The following DPPA2 variants were observed in gnomAD, a reference collection of about 807,000 sequenced individuals.
The protein encoded by DPPA2 is developmental pluripotency associated 2.
Under a neutral mutation model 36.2 loss-of-function variants are expected in DPPA2, and 26 were observed. The ratio of observed to expected loss-of-function variants is 0.72; its 90% CI spans 0.53 to 1.00. DPPA2 has a LOEUF of 1.00. Among genes scored for constraint, DPPA2 ranks in the 50% least tolerant of loss-of-function variants. The pLI is 0.00. For synonymous variants in DPPA2, 113 were observed against 123.2 expected (o/e 0.92, Z 0.55); for missense variants, 361 against 365.1 (o/e 0.99, Z 0.09).
intron 6 of DPPA2, 63 bp from the exon 7 acceptor site, chr3:109,304,733 G>T: frequency 6.7e-7 from 1 of 1,485,990 alleles, no homozygotes; most frequent in Non-Finnish European, 9.0e-7. Flanking sequence ...CAACCTCTCA[G>T]CAAGTCACTC....
intron 8 of DPPA2, among the ~76,000 whole-genome samples, chr3:109,299,204 CAAA>C (rs35767226): frequency 4.1e-4 from 54 of 131,234 alleles, no homozygotes; most frequent in East Asian, 1.7e-3. Flanking sequence ...CTAAACATAC[CAAA>C]AAAAAAAAAA....
chr3:109,308,216 C>G lies in DPPA2; in HGVS notation c.474G>C (p.Arg158Ser). The part of the protein sequence containing the change: ...RKRKAVTKRA[R>S]LQRSYEMNER... Reference sequence around the variant, plus strand: ...CATTCATCTCATAACTTCTCTGAAGCCTTGCTCTCTTGGTCACTGCCTTGC... The same window carrying G: ...CATTCATCTCATAACTTCTCTGAAGGCTTGCTCTCTTGGTCACTGCCTTGC... Residue 158 changes from arginine to serine, a missense_variant, in exon 6 of 9, where the codon AGG becomes AGC. Transcript: ENST00000478945. 6.2e-7 allele frequency: 1 copy of G among 1,614,238 alleles called. No individual in the cohort carries two copies. The highest frequency in any genetic ancestry group is 8.5e-7 in the Non-Finnish European group (1 of 1,180,046).
At chr3:109,312,757 G>T in intron 2 of DPPA2, 65 bp from the exon 3 acceptor site, 1 of 1,575,090 alleles carries the variant, frequency 6.3e-7, no homozygotes. Flanking sequence ...TTGCTTTCAA[G>T]GCAAAAGTCA....
At chr3:109,308,360 T>G (rs757493094) in intron 5 of DPPA2, 67 bp from the exon 6 acceptor site, 1 of 1,529,946 alleles carries the variant, frequency 6.5e-7, no homozygotes, top group Non-Finnish European at 8.7e-7. Flanking sequence ...TGGGTCAATT[T>G]TATTATTCTT....
At chr3:109,310,162 A>G (rs1576823535) in intron 3 of DPPA2, among the ~76,000 whole-genome samples, 1 of 145,666 alleles carries the variant, frequency 6.9e-6, no homozygotes, top group Non-Finnish European at 1.5e-5. Context: ...TGGGAGGCGG[A>G]GGTTGTGGTG....
chr3:109,304,396 C>T lies in DPPA2; in HGVS notation c.854+79G>A, dbSNP rs1441201230. 6.4e-6 allele frequency: 9 copies of T among 1,410,732 alleles called. No individual in the cohort carries two copies. The Admixed American group carries it at 1.2e-4, about 19-fold the overall frequency. 87.4% of individuals were successfully genotyped at this position (1,410,732 alleles called of 1,614,324 possible). A position where few individuals can be genotyped will look rare whatever the true frequency, so the allele number is the denominator to read the frequency against. On this transcript the variant is annotated intron_variant, in intron 7 of 8. Transcript: ENST00000478945. ...AGACAGCATGTTCGCCCTCTGCTTT[C>T]TACTGTTAAATTATTTAGAAATCCA...
chr3:109,312,221 T>C (rs910759000), intron 3 of DPPA2, among the ~76,000 whole-genome samples: 2 of 151,596 alleles, frequency 1.3e-5, no homozygotes, highest in African/African-American at 4.8e-5. Context: ...GTAATCCCAG[T>C]GACTTGGAAG....
intron 8 of DPPA2, among the ~76,000 whole-genome samples, chr3:109,297,741 G>A (rs1007924556): frequency 2.6e-5 from 4 of 152,126 alleles, no homozygotes; most frequent in African/African-American, 9.7e-5. Context: ...ACTACATATT[G>A]CTATCTGAAA....
chr3:109,308,210 C>T lies in DPPA2; in HGVS notation c.480G>A (p.Gln160=). The change falls in exon 6 of 9, where the codon CAG becomes CAA. Residue 160 remains glutamine, a synonymous_variant. Coordinates refer to ENST00000478945, the MANE Select transcript of DPPA2 (RefSeq NM_138815.4). ...RKAVTKRARL[Q]RSYEMNERAE... ...CTCTCTCATTCATCTCATAACTTCT[C>T]TGAAGCCTTGCTCTCTTGGTCACTG... 2 of 1,614,232 alleles carry T rather than the reference C, an allele frequency of 1.2e-6. No homozygotes were observed. The highest frequency in any genetic ancestry group is 1.7e-6 in the Non-Finnish European group (2 of 1,180,040).
chr3:109,294,835 A>G (rs1334033013), intron 8 of DPPA2, among the ~76,000 whole-genome samples: 1 of 152,166 alleles, frequency 6.6e-6, no homozygotes, highest in Non-Finnish European at 1.5e-5. Flanking sequence ...CAGCCTGGCC[A>G]ATACAGTGAA....
At chr3:109,312,327 C>T (rs914332533) in intron 3 of DPPA2, among the ~76,000 whole-genome samples, 1 of 152,110 alleles carries the variant, frequency 6.6e-6, no homozygotes, top group Non-Finnish European at 1.5e-5. Flanking sequence ...CGGTGAGACT[C>T]CATCTCCAAA....
rs187332052 is a variant in DPPA2, at chr3:109,302,103, T to C, written c.855-1668A>G. 2.6e-3 allele frequency among the ~76,000 whole-genome samples: 395 copies of C among 152,334 alleles called. 2 individuals are homozygous for C. The highest frequency in any genetic ancestry group is 6.4e-3 in the South Asian group (31 of 4,832). On this transcript the variant is annotated intron_variant, in intron 7 of 8. Coordinates refer to ENST00000478945, the MANE Select transcript of DPPA2 (RefSeq NM_138815.4). ...GCTAACCTCTAACTGTGTTCTGTCT[T>C]CGCTGTCCACCTTCCACTGATACGC...
At chr3:109,312,431 G>A in intron 3 of DPPA2, 114 bp downstream of exon 3, 1 of 1,319,810 alleles carries the variant, frequency 7.6e-7, no homozygotes, top group Non-Finnish European at 1.0e-6. Context: ...GATTAACAAG[G>A]TGAGATTTAA....
At chr3:109,312,882 G>A (rs1707735062) in intron 2 of DPPA2, among the ~76,000 whole-genome samples, 190 bp from the exon 3 acceptor site, 3 of 152,132 alleles carry the variant, frequency 2.0e-5, no homozygotes, top group South Asian at 4.2e-4. Flanking sequence ...GGAAAAAAAC[G>A]GGCAAAAGCC....
At chr3:109,310,730 G>A (rs189947284) in intron 3 of DPPA2, among the ~76,000 whole-genome samples, 1 of 151,518 alleles carries the variant, frequency 6.6e-6, no homozygotes, top group Admixed American at 6.6e-5. Flanking sequence ...GGTCTCGAAC[G>A]CCTGACCTTG....
At chr3:109,301,508 T>A (rs1356653451) in intron 7 of DPPA2, among the ~76,000 whole-genome samples, 1 of 151,692 alleles carries the variant, frequency 6.6e-6, no homozygotes, top group East Asian at 1.9e-4. Flanking sequence ...AAAAATTAGC[T>A]GGGTGTGGTG....
chr3:109,316,119 C>T (rs1707780087), intron 1 of DPPA2, among the ~76,000 whole-genome samples, 165 bp downstream of exon 1: 2 of 151,958 alleles, frequency 1.3e-5, no homozygotes, highest in African/African-American at 2.4e-5. Flanking sequence ...AGTGCGGTGG[C>T]GCGATCATAG....
chr3:109,306,420 A>G (rs1023505568), intron 6 of DPPA2, among the ~76,000 whole-genome samples: 1 of 152,186 alleles, frequency 6.6e-6, no homozygotes, highest in Non-Finnish European at 1.5e-5. Flanking sequence ...AGAGCAGAGG[A>G]TATGCCAATT....
rs1274895950 is a variant in DPPA2, at chr3:109,305,692, T to C, written c.659-1022A>G. On this transcript the variant is annotated intron_variant, in intron 6 of 8. Transcript: ENST00000478945. ...AGGAGGCTGAGGCAGGAGAATCGCCTGAACCTGGGAGGCAGAGGTTGCAGT... is the reference window on the plus strand; with the variant it reads ...AGGAGGCTGAGGCAGGAGAATCGCCCGAACCTGGGAGGCAGAGGTTGCAGT... Among the ~76,000 whole-genome samples the C allele has an allele frequency of 2.7e-5, 4 of 149,476 alleles. No homozygotes were observed. In the Admixed American group the frequency reaches 2.7e-4, roughly 10 times the overall value.
Sources: allele counts gnomAD v4.1 joint callset (sites outside exome capture counted in the v4.1 genomes callset), GRCh38; gene constraint gnomAD v4.1.1; transcripts MANE v1.5; gene names NCBI Gene and HGNC (gene_info 2026-07-23, HGNC 2026-07-21).